The following TICAM2 variants were observed in gnomAD, a reference collection of about 807,000 sequenced individuals.
TICAM2 encodes TIR domain-containing adapter molecule 2.
A neutral mutation model predicts 7.3 loss-of-function variants in TICAM2; 8 were observed. The ratio of observed to expected loss-of-function variants is 1.10; its 90% CI spans 0.65 to 1.99. The LOEUF (loss-of-function observed/expected upper bound fraction) is 1.99. TICAM2 is among the 30% of genes most tolerant of loss of function. The pLI is 0.00. For missense variants in TICAM2, 304 were observed against 278.8 expected (o/e 1.09, Z -0.65); for synonymous variants, 113 against 99.6 (o/e 1.13, Z -0.80).
In TICAM2 at chr5:115,579,606, A is replaced by C. The variant is rs1754842843; in HGVS notation, c.*943T>G. 1 of 152,196 alleles carries C rather than the reference A, an allele frequency of 6.6e-6. No homozygotes were observed. The highest frequency in any genetic ancestry group is 1.5e-5 in the Non-Finnish European group (1 of 68,040). The allele number at this position is 152,196 out of a possible 1,614,324, so 9.4% of individuals were successfully genotyped here. On this transcript the variant is annotated 3_prime_UTR_variant, in exon 2 of 2. Transcript: ENST00000427199. ...GGGCTCTAGAATAGGAGGTAATAAA[A>C]TACATCTCCTTCTATCCAAAGTCTT...
At chr5:115,595,446 G>A (rs889129739) in intron 1 of TICAM2, among the ~76,000 whole-genome samples, 11 of 152,036 alleles carry the variant, frequency 7.2e-5, no homozygotes, top group Non-Finnish European at 8.8e-5. Flanking sequence ...TCCATTCCCT[G>A]CCTATGCTTT....
intron 1 of TICAM2, among the ~76,000 whole-genome samples, chr5:115,595,546 C>T (rs1272239955): frequency 1.3e-5 from 2 of 152,196 alleles, no homozygotes; most frequent in Admixed American, 6.5e-5. Context: ...TTTCCCTTTA[C>T]ATCATTTCTA....
In TICAM2 at chr5:115,581,186, T is replaced by G. The variant is rs1447669943; in HGVS notation, c.71A>C (p.Asp24Ala). 3 of 1,613,462 alleles carry G rather than the reference T, an allele frequency of 1.9e-6. No homozygotes were observed. Among genetic ancestry groups the G allele is most frequent in the African/African-American group, 1.3e-5 (1 of 74,908 alleles). Residue 24 changes from aspartate (D) to alanine (A), a missense_variant, in exon 2 of 2, where the codon GAT (aspartate) becomes GCT (alanine). Physicochemically the swap from Asp to Ala is moderately radical, Grantham distance 126. Transcript: ENST00000427199. ...TGACTCATGATATCCTGGACTTGTA[T>G]CCACACTGTGCCTTTTACCCCAAGA... Reference protein sequence around the residue: ...SLSWGKRHSVDTSPGYHESDS... With the variant: ...SLSWGKRHSVATSPGYHESDS...
intron 1 of TICAM2, among the ~76,000 whole-genome samples, chr5:115,588,323 C>T (rs1483859762): frequency 1.3e-5 from 2 of 152,190 alleles, no homozygotes; most frequent in East Asian, 1.9e-4. Flanking sequence ...GAATAGGCCA[C>T]TTAACTCTTG....
At chr5:115,597,023 C>G (rs1755538134) in intron 1 of TICAM2, among the ~76,000 whole-genome samples, 1 of 152,204 alleles carries the variant, frequency 6.6e-6, no homozygotes, top group East Asian at 1.9e-4. Context: ...AACTTCCTGT[C>G]CAATTTCAGA....
At chr5:115,581,417 C>T in intron 1 of TICAM2, 102 bp from the exon 2 acceptor site, 2 of 1,308,030 alleles carry the variant, frequency 1.5e-6, no homozygotes, top group South Asian at 1.5e-5. Flanking sequence ...TTATAATAGA[C>T]AGATCCAAAT....
chr5:115,587,207 A>G (rs980727103), intron 1 of TICAM2, among the ~76,000 whole-genome samples: 24 of 152,220 alleles, frequency 1.6e-4, no homozygotes, highest in African/African-American at 5.5e-4. Flanking sequence ...TTTGGCTTTC[A>G]TCATGCTGGC....
intron 1 of TICAM2, among the ~76,000 whole-genome samples, chr5:115,601,470 G>A (rs182329186): frequency 2.0e-5 from 3 of 152,088 alleles, no homozygotes; most frequent in African/African-American, 7.2e-5. Context: ...TGTGGGTTCA[G>A]GGGATGACAC....
chr5:115,585,177 A>G (rs1002941262), intron 1 of TICAM2, among the ~76,000 whole-genome samples: 7 of 152,226 alleles, frequency 4.6e-5, no homozygotes, highest in Non-Finnish European at 1.0e-4. Flanking sequence ...GGGTTTTATG[A>G]AGATCAAAAT....
intron 1 of TICAM2, among the ~76,000 whole-genome samples, chr5:115,585,195 G>A (rs1355441972): frequency 1.3e-5 from 2 of 152,184 alleles, no homozygotes; most frequent in Non-Finnish European, 2.9e-5. Context: ...AATGGCTTAG[G>A]ATGGTGCTGG....
In TICAM2 at chr5:115,602,174, G is replaced by A. The variant is rs995878391; in HGVS notation, c.-137C>T. ...GGCCCAGCGAGAGCGCCCAGGGGGT[G>A]GGCGTCTTGCCCCGGGCGTCGAGAG... On this transcript the variant is annotated 5_prime_UTR_variant, in exon 1 of 2. Transcript: ENST00000427199. 6.6e-6 allele frequency: 1 copy of A among 152,378 alleles called. No individual in the cohort carries two copies. The highest frequency in any genetic ancestry group is 1.5e-5 in the Non-Finnish European group (1 of 68,170). 9.4% of individuals were successfully genotyped at this position (152,378 alleles called of 1,614,324 possible). A position where few individuals can be genotyped will look rare whatever the true frequency, so the allele number is the denominator to read the frequency against.
chr5:115,596,903 A>G (rs1168429353), intron 1 of TICAM2, among the ~76,000 whole-genome samples: 2 of 152,326 alleles, frequency 1.3e-5, no homozygotes, highest in East Asian at 3.9e-4. Flanking sequence ...CCTGGGAGAC[A>G]GTGAGACTCC....
At chr5:115,595,235 T>A (rs920365229) in intron 1 of TICAM2, among the ~76,000 whole-genome samples, 2 of 152,144 alleles carry the variant, frequency 1.3e-5, no homozygotes, top group African/African-American at 4.8e-5. Flanking sequence ...TCAATCAATC[T>A]TTCCTCCTCA....
At chr5:115,595,488 G>A (rs1580418057) in intron 1 of TICAM2, among the ~76,000 whole-genome samples, 1 of 152,092 alleles carries the variant, frequency 6.6e-6, no homozygotes, top group East Asian at 1.9e-4. Flanking sequence ...CTCCTTAGAG[G>A]ATTACAAATT....
At chr5:115,588,530 T>C (rs190295515) in intron 1 of TICAM2, among the ~76,000 whole-genome samples, 196 of 152,170 alleles carry the variant, frequency 1.3e-3, no homozygotes, top group African/African-American at 4.2e-3. Flanking sequence ...AAAAGAAGAG[T>C]GTCCATGATG....
In TICAM2 at chr5:115,602,419, C is replaced by A; in HGVS notation, c.-382G>T. 1 of 152,716 alleles carries A rather than the reference C, an allele frequency of 6.5e-6. No homozygotes were observed. The highest frequency in any genetic ancestry group is 1.5e-5 in the Non-Finnish European group (1 of 68,382). The allele number at this position is 152,716 out of a possible 1,614,324, so 9.5% of individuals were successfully genotyped here. On this transcript the variant is annotated 5_prime_UTR_variant, in exon 1 of 2. Transcript: ENST00000427199. ...CGGACTGCTGCTTTGCCGTGGCAGG[C>A]CCCACCCGGGACGTGGCGCTGCGGG...
rs1017435041 is a variant in TICAM2 at position 115,587,362 on chromosome 5, G to A, written c.-59-6047C>T. On this transcript the variant is annotated intron_variant, in intron 1 of 1. Coordinates refer to ENST00000427199, the MANE Select transcript of TICAM2 (RefSeq NM_021649.7). The stretch of plus-strand genomic sequence containing the variant: ...TTTGAGTTGTACCTTTTAGAGAGAA[G>A]GTGAGTGCACTTTTGTTTATATGAA... Among the ~76,000 whole-genome samples, 138 of 152,230 alleles carry A rather than the reference G, an allele frequency of 9.1e-4. 1 individual carries two copies. The highest frequency in any genetic ancestry group is 4.0e-4 in the Non-Finnish European group (27 of 68,024).
intron 1 of TICAM2, among the ~76,000 whole-genome samples, chr5:115,594,851 T>C (rs1162034333): frequency 6.6e-6 from 1 of 152,156 alleles, no homozygotes; most frequent in Non-Finnish European, 1.5e-5. Flanking sequence ...TTGGATGAAC[T>C]GAAATAAATG....
At chr5:115,592,912 G>A (rs1468287724) in intron 1 of TICAM2, among the ~76,000 whole-genome samples, 1 of 152,246 alleles carries the variant, frequency 6.6e-6, no homozygotes, top group Admixed American at 6.5e-5. Context: ...GGAGGCCAAG[G>A]TGGGTGGCTC....
Sources: gnomAD v4.1 joint callset for allele counts (sites outside exome capture counted in the v4.1 genomes callset) on GRCh38, gnomAD v4.1.1 for gene constraint, MANE v1.5 for transcripts, NCBI Gene and HGNC (gene_info 2026-07-23, HGNC 2026-07-21) for gene names.